The following CSNK1G1 variants were observed in gnomAD, a reference collection of about 807,000 sequenced individuals.
CSNK1G1 encodes casein kinase 1 gamma 1, also known as casein kinase I isoform gamma-1.
A neutral mutation model predicts 59.6 loss-of-function variants in CSNK1G1; 22 were observed. The ratio of observed to expected loss-of-function variants is 0.37; its 90% CI spans 0.26 to 0.53. CSNK1G1 has a LOEUF of 0.53. Among genes scored for constraint, CSNK1G1 ranks in the 20% least tolerant of loss-of-function variants. The probability of loss-of-function intolerance (pLI) is 0.89; values close to 1 mark genes in which losing one functional copy is unlikely to be tolerated. For synonymous variants in CSNK1G1, 179 were observed against 177.1 expected (o/e 1.01, Z -0.08); for missense variants, 384 against 519.5 (o/e 0.74, Z 2.54).
Position 64,300,052 on chromosome 15 carries a change from A to G in CSNK1G1, c.181+267T>C, listed in dbSNP as rs753062121. On this transcript the variant is annotated intron_variant, in intron 2 of 11. Transcript: ENST00000303052. The stretch of plus-strand genomic sequence containing the variant: ...CTAAATCAGAGTCTGCATTTTACTG[A>G]TATCTGTATGCAACTCTATGTTCAT... Among the ~76,000 whole-genome samples the G allele has an allele frequency of 9.2e-5, 14 of 152,276 alleles. No homozygotes were observed. In the South Asian group the frequency reaches 1.0e-3, roughly 11 times the overall value.
rs115327267 is a variant in CSNK1G1 at position 64,266,381 on chromosome 15, C to T, written c.182-7140G>A. Among the ~76,000 whole-genome samples, 248 of 151,970 alleles carry T rather than the reference C, an allele frequency of 1.6e-3. 3 individuals carry two copies. Among genetic ancestry groups the T allele is most frequent in the African/African-American group, 5.8e-3 (239 of 41,476 alleles). On this transcript the variant is annotated intron_variant, in intron 2 of 11. Transcript: ENST00000303052. ...ACAAGCCACCACACCCAGCCCCTGA[C>T]CTTGTCTCTTAAAAAAAATAAAAAT...
rs201279267 is a variant in CSNK1G1, at chr15:64,208,889, CTTTTTTT to C, written c.680-1302_680-1296del. ...TGGTTTAGTCTCAGATTTCTTTTTT[CTTTTTTT>C]TTTTTTTTTGAGACAAGGTCTCGCT... is the stretch of plus-strand genomic sequence containing the variant. On this transcript the variant is annotated intron_variant, in intron 6 of 11. Coordinates refer to ENST00000303052, the MANE Select transcript of CSNK1G1 (RefSeq NM_022048.5). 4.4e-4 allele frequency among the ~76,000 whole-genome samples: 60 copies of C among 136,634 alleles called. 1 individual carries two copies. Among genetic ancestry groups the C allele is most frequent in the African/African-American group, 1.3e-3 (50 of 37,542 alleles). 89.6% of individuals were successfully genotyped at this position (136,634 alleles called of 152,430 possible).
chr15:64,174,359 T>C (rs1180257334), intron 11 of CSNK1G1, among the ~76,000 whole-genome samples: 1 of 152,244 alleles, frequency 6.6e-6, no homozygotes, highest in Admixed American at 6.5e-5. Context: ...TTGCTAGTTA[T>C]TGTAGTTAAA....
chr15:64,184,305 A>AAAATAAAT (rs900924917), intron 10 of CSNK1G1, among the ~76,000 whole-genome samples: 5 of 151,962 alleles, frequency 3.3e-5, no homozygotes, highest in Admixed American at 3.3e-4. Flanking sequence ...TTCGTCTCAA[A>AAAATAAAT]AAATAAATAA....
Position 64,181,567 on chromosome 15 carries a change from T to A in CSNK1G1, c.1108-1113A>T. ...ATACAAGAAAATGTATGAGACTGTC[T>A]AGTATAATACCTAGCATAAATAAGG... On this transcript the variant is annotated intron_variant, in intron 10 of 11. Transcript: ENST00000303052. The A allele has an allele frequency of 9.5e-6, 8 of 844,128 alleles. No homozygotes were observed. The South Asian group carries it at 1.5e-4, about 16-fold the overall frequency. The allele number at this position is 844,128 out of a possible 1,614,324, so 52.3% of individuals were successfully genotyped here.
At chr15:64,173,076 C>T (rs958825477) in intron 11 of CSNK1G1, among the ~76,000 whole-genome samples, 5 of 152,178 alleles carry the variant, frequency 3.3e-5, no homozygotes, top group Admixed American at 3.3e-4. Flanking sequence ...CTCAGACTTG[C>T]TAGATCCTTG....
At chr15:64,198,192 C>CTT (rs893282431) in intron 10 of CSNK1G1, among the ~76,000 whole-genome samples, 131 of 110,558 alleles carry the variant, frequency 1.2e-3, no homozygotes, top group African/African-American at 2.3e-3. Context: ...ACAGGATATA[C>CTT]TTTTTTTTTT....
chr15:64,196,854 A>C (rs936111167), intron 10 of CSNK1G1, among the ~76,000 whole-genome samples: 3 of 151,992 alleles, frequency 2.0e-5, no homozygotes, highest in Admixed American at 6.6e-5. Context: ...TCTAGCTGCC[A>C]AACAGAGGCA....
intron 1 of CSNK1G1, among the ~76,000 whole-genome samples, chr15:64,312,759 TCTAATTAAACTAAACA>T (rs1896061985): frequency 6.6e-6 from 1 of 152,024 alleles, no homozygotes; most frequent in Non-Finnish European, 1.5e-5. Context: ...ACAAATGGGA[TCTAATTAAACTAAACA>T]GCTGCTGCAC....
At chr15:64,326,410 G>A (rs749745572) in intron 1 of CSNK1G1, among the ~76,000 whole-genome samples, 10 of 152,084 alleles carry the variant, frequency 6.6e-5, no homozygotes, top group African/African-American at 2.2e-4. Context: ...TTGAGAGGCC[G>A]AGGTGCGCAG....
At chr15:64,219,581 C>T (rs2082358493) in intron 4 of CSNK1G1, among the ~76,000 whole-genome samples, 1 of 152,002 alleles carries the variant, frequency 6.6e-6, no homozygotes, top group African/African-American at 2.4e-5. Context: ...GCCTCAGCCT[C>T]CCAAACAGCT....
Position 64,230,562 on chromosome 15 carries a change from C to T in CSNK1G1, c.293-13849G>A, listed in dbSNP as rs8042044. Among the ~76,000 whole-genome samples the T allele has an allele frequency of 8.4e-3, 1,277 of 152,276 alleles. 19 individuals carry two copies. Among genetic ancestry groups the T allele is most frequent in the African/African-American group, 0.029 (1,199 of 41,560 alleles). On this transcript the variant is annotated intron_variant, in intron 4 of 11. Transcript: ENST00000303052. ...GTTCTCCCACCTCATCCTTCCCAAACTGCCAGAGTTCTAAATCTTCTTTGG... is the reference window on the plus strand; with the variant it reads ...GTTCTCCCACCTCATCCTTCCCAAATTGCCAGAGTTCTAAATCTTCTTTGG...
At chr15:64,351,969 G>C (rs1019340316) in intron 1 of CSNK1G1, among the ~76,000 whole-genome samples, 1 of 152,152 alleles carries the variant, frequency 6.6e-6, no homozygotes, top group Non-Finnish European at 1.5e-5. Context: ...CAAAGCATAT[G>C]ATCTCAACTT....
intron 2 of CSNK1G1, among the ~76,000 whole-genome samples, chr15:64,273,448 T>C (rs1309206647): frequency 6.6e-6 from 1 of 152,164 alleles, no homozygotes; most frequent in Non-Finnish European, 1.5e-5. Flanking sequence ...TATGTGTAAA[T>C]ATTTTGTAAA....
At chr15:64,314,565 T>TTAA (rs397777556) in intron 1 of CSNK1G1, among the ~76,000 whole-genome samples, 5 of 130,620 alleles carry the variant, frequency 3.8e-5, no homozygotes, top group African/African-American at 8.4e-5. Context: ...ACCACAGAAT[T>TTAA]AAAAAAAAAA....
At chr15:64,334,954 T>C (rs1158118836) in intron 1 of CSNK1G1, among the ~76,000 whole-genome samples, 1 of 152,182 alleles carries the variant, frequency 6.6e-6, no homozygotes, top group Admixed American at 6.5e-5. Flanking sequence ...TAATTTAGAG[T>C]AAGCTTAGAG....
chr15:64,279,457 T>C (rs1894000008), intron 2 of CSNK1G1, among the ~76,000 whole-genome samples: 1 of 152,242 alleles, frequency 6.6e-6, no homozygotes, highest in Non-Finnish European at 1.5e-5. Flanking sequence ...CATGCATTAG[T>C]AGTTCATACT....
intron 11 of CSNK1G1, 39 bp downstream of exon 11, chr15:64,180,309 A>C: frequency 6.7e-7 from 1 of 1,487,414 alleles, no homozygotes; most frequent in South Asian, 1.1e-5. Context: ...AAGATTTTTC[A>C]ACCCATGACT....
intron 10 of CSNK1G1, among the ~76,000 whole-genome samples, chr15:64,192,634 G>A (rs1022643947): frequency 1.1e-4 from 17 of 151,752 alleles, no homozygotes; most frequent in African/African-American, 2.4e-4. Context: ...TGAGGGGGGC[G>A]GATCACCTAA....
Sources: allele counts gnomAD v4.1 joint callset (sites outside exome capture counted in the v4.1 genomes callset), GRCh38; gene constraint gnomAD v4.1.1; transcripts MANE v1.5; gene names NCBI Gene and HGNC (gene_info 2026-07-23, HGNC 2026-07-21).